The following CAPN5 variants were observed in gnomAD, a reference collection of about 807,000 sequenced individuals.
The protein encoded by CAPN5 is calpain-5.
CAPN5 carries 54 observed loss-of-function variants against 73.0 expected under a neutral mutation model. The ratio of observed to expected loss-of-function variants is 0.74; its 90% CI spans 0.59 to 0.93. The LOEUF (loss-of-function observed/expected upper bound fraction) is 0.93, where lower values mean the gene tolerates loss of function less well. Among genes scored for constraint, CAPN5 ranks in the 40% least tolerant of loss-of-function variants. The pLI is 0.00. For missense variants in CAPN5, 785 were observed against 882.9 expected (o/e 0.89, Z 1.41); for synonymous variants, 335 against 356.9 (o/e 0.94, Z 0.69).
chr11:77,118,682 C>G (rs1455257548), intron 8 of CAPN5, among the ~76,000 whole-genome samples: 1 of 152,246 alleles, frequency 6.6e-6, no homozygotes, highest in African/African-American at 2.4e-5. Context: ...AATTCTGTCC[C>G]TTCTGGGAAC....
intron 3 of CAPN5, among the ~76,000 whole-genome samples, chr11:77,099,458 G>C (rs1201730599): frequency 6.7e-6 from 1 of 148,270 alleles, no homozygotes; most frequent in South Asian, 2.2e-4. Context: ...CTGAGTGAAC[G>C]AGACTCCGTC....
intron 5 of CAPN5, 105 bp downstream of exon 5, chr11:77,114,539 C>A: frequency 9.8e-7 from 1 of 1,024,660 alleles, no homozygotes; most frequent in Non-Finnish European, 1.5e-6. Context: ...CCTACGTATT[C>A]AGACCCTCAG....
At position 77,084,344 on chromosome 11, in the gene CAPN5, TGGTGCG is replaced by T. The variant is rs536449124; in HGVS notation, c.-35-505_-35-500del. Among the ~76,000 whole-genome samples, 309 of 152,296 alleles carry T rather than the reference TGGTGCG, an allele frequency of 2.0e-3. 1 individual carries two copies. Among genetic ancestry groups the T allele is most frequent in the African/African-American group, 7.3e-3 (302 of 41,558 alleles). Reference sequence around the variant, plus strand: ...CCAAGATGCTGTGAGGAAGGCAGCATGGTGCGGGGAGGACCGGAGAGAATGAATGAA... The same window carrying T: ...CCAAGATGCTGTGAGGAAGGCAGCATGGGAGGACCGGAGAGAATGAATGAA... On this transcript the variant is annotated intron_variant, in intron 1 of 12. Coordinates refer to ENST00000648180, the MANE Select transcript of CAPN5 (RefSeq NM_004055.5).
chr11:77,085,119 G>A, intron 2 of CAPN5, 68 bp downstream of exon 2: 2 of 1,397,812 alleles, frequency 1.4e-6, no homozygotes, highest in Middle Eastern at 2.2e-4. Context: ...TGGGCCTGCA[G>A]GGACATCGGG....
rs782108809 is a variant in CAPN5 at position 77,112,624 on chromosome 11, C to T, written c.333C>T (p.Pro111=). The change falls in exon 4 of 13, where the codon CCC becomes CCT. Residue 111 remains proline (P), a synonymous_variant. Transcript: ENST00000648180. ...ACTGGAAGGAGCAGGAATGGGACCCCGAAAAGCCCAACGCCTACGCGGGCA... is the reference window on the plus strand; with the variant it reads ...ACTGGAAGGAGCAGGAATGGGACCCTGAAAAGCCCAACGCCTACGCGGGCA... The part of the protein sequence containing the change: ...IPDWKEQEWD[P]EKPNAYAGIF... The T allele has an allele frequency of 7.4e-5, 120 of 1,614,150 alleles. No homozygotes were observed. Among genetic ancestry groups the T allele is most frequent in the Middle Eastern group, 5.0e-4 (3 of 6,040 alleles).
Position 77,123,695 on chromosome 11 carries a change from A to T in CAPN5, c.1748A>T (p.Asn583Ile), listed in dbSNP as rs1555043313. Residue 583 changes from asparagine to isoleucine, a missense_variant, in exon 13 of 13, where the codon AAC becomes ATC. Physicochemically the swap from Asn to Ile is moderately radical, Grantham distance 149. Coordinates refer to ENST00000648180, the MANE Select transcript of CAPN5 (RefSeq NM_004055.5). ...TCCTCTGTCTCTTCCCAGGTCTGGAACCACCGAGTGCTGAAGGATGAATTT... is the reference window on the plus strand; with the variant it reads ...TCCTCTGTCTCTTCCCAGGTCTGGATCCACCGAGTGCTGAAGGATGAATTT... ...LSQPITVQVW[N>I]HRVLKDEFLG... 6.2e-7 allele frequency: 1 copy of T among 1,613,282 alleles called. No individual in the cohort carries two copies. The highest frequency in any genetic ancestry group is 1.1e-5 in the South Asian group (1 of 90,972).
At chr11:77,122,792 A>G (rs1950536482) in intron 12 of CAPN5, 80 bp downstream of exon 12, 2 of 1,580,084 alleles carry the variant, frequency 1.3e-6, no homozygotes, top group Non-Finnish European at 1.7e-6. Flanking sequence ...CCCAGGTGGA[A>G]GACCCTCTGA....
In CAPN5 at chr11:77,073,228, G is replaced by A. The variant is rs112024145; in HGVS notation, c.-36+6134G>A. 57 of 713,488 alleles carry A rather than the reference G, an allele frequency of 8.0e-5. 1 individual carries two copies. The highest frequency in any genetic ancestry group is 6.9e-4 in the African/African-American group (38 of 54,950). The allele number at this position is 713,488 out of a possible 1,614,324, so 44.2% of individuals were successfully genotyped here. ...TAAAACTGTGGTGAGCTGCTCACCC[G>A]AGGCTTGGCCTGGGGCTGCCCCCTG... On this transcript the variant is annotated intron_variant, in intron 1 of 12. Transcript: ENST00000648180.
At chr11:77,095,358 T>C (rs1206172983) in intron 3 of CAPN5, among the ~76,000 whole-genome samples, 4 of 151,964 alleles carry the variant, frequency 2.6e-5, no homozygotes, top group African/African-American at 9.7e-5. Flanking sequence ...GAGGGCTCAG[T>C]CAGGGGCTGA....
intron 2 of CAPN5, 47 bp from the exon 3 acceptor site, chr11:77,093,635 C>G: frequency 6.6e-7 from 1 of 1,524,086 alleles, no homozygotes; most frequent in South Asian, 1.2e-5. Context: ...TGGGGGGCAT[C>G]CGCATGCTCC....
intron 3 of CAPN5, among the ~76,000 whole-genome samples, chr11:77,108,470 C>T (rs1950375703): frequency 6.6e-6 from 1 of 152,004 alleles, no homozygotes; most frequent in Admixed American, 6.5e-5. Context: ...AGATGGGACC[C>T]GAAGGAGGGA....
intron 3 of CAPN5, among the ~76,000 whole-genome samples, chr11:77,102,513 C>A (rs183761883): frequency 1.1e-4 from 17 of 152,356 alleles, no homozygotes; most frequent in Admixed American, 2.0e-4. Context: ...CAAGCCAGCA[C>A]CCAGCCCAGC....
At position 77,123,671 on chromosome 11, in the gene CAPN5, C is replaced by T. The variant is rs1565281918; in HGVS notation, c.1741-17C>T. ...GGAGGTAGCCCGCCCCTCCCATGAT[C>T]CTCTGTCTCTTCCCAGGTCTGGAAC... On this transcript the variant is annotated splice_polypyrimidine_tract_variant and intron_variant, in intron 12 of 12. Coordinates refer to ENST00000648180, the MANE Select transcript of CAPN5 (RefSeq NM_004055.5). 1.2e-6 allele frequency: 2 copies of T among 1,608,206 alleles called. No homozygotes were observed. Among genetic ancestry groups the T allele is most frequent in the Non-Finnish European group, 1.7e-6 (2 of 1,176,048 alleles).
intron 3 of CAPN5, chr11:77,102,966 G>C: frequency 6.2e-7 from 1 of 1,613,338 alleles, no homozygotes; most frequent in Non-Finnish European, 8.5e-7. Flanking sequence ...CCAGGATGGG[G>C]AGAAGCTGCT....
intron 1 of CAPN5, among the ~76,000 whole-genome samples, chr11:77,078,912 CT>C (rs1950000590): frequency 6.6e-6 from 1 of 151,990 alleles, no homozygotes; most frequent in Non-Finnish European, 1.5e-5. Flanking sequence ...CTACTGATTT[CT>C]GTGTATTCCT....
rs2233548 is a variant in CAPN5, at chr11:77,102,945, G to A, written c.297+9132G>A. 1.8e-3 allele frequency: 2,904 copies of A among 1,613,144 alleles called. 45 individuals are homozygous for A. The African/African-American group carries it at 0.035, about 19-fold the overall frequency. ...ACGCGTGGAGAGCCTGAAGCAGCGC[G>A]GGGAGAAGCGCCAGGATGGGGAGAA... On this transcript the variant is annotated intron_variant, in intron 3 of 12. Transcript: ENST00000648180.
At chr11:77,122,488 C>G in intron 11 of CAPN5, 88 bp from the exon 12 acceptor site, 1 of 1,127,640 alleles carries the variant, frequency 8.9e-7, no homozygotes. Context: ...AATAACTGAG[C>G]CGGGTGGGCA....
chr11:77,122,088 A>G, intron 11 of CAPN5, 39 bp downstream of exon 11: 1 of 1,263,354 alleles, frequency 7.9e-7, no homozygotes, highest in Non-Finnish European at 1.1e-6. Context: ...CCCTCCTGCC[A>G]GTTGTCCCAT....
chr11:77,079,399 T>C (rs1176722625), intron 1 of CAPN5, among the ~76,000 whole-genome samples: 1 of 152,232 alleles, frequency 6.6e-6, no homozygotes, highest in Non-Finnish European at 1.5e-5. Flanking sequence ...AATAGAATCA[T>C]GTAATATTGC....
Sources: allele counts gnomAD v4.1 joint callset (sites outside exome capture counted in the v4.1 genomes callset), GRCh38; gene constraint gnomAD v4.1.1; transcripts MANE v1.5; gene names NCBI Gene and HGNC (gene_info 2026-07-23, HGNC 2026-07-21).